Variants in PROKR1 observed in about 807,000 individuals in gnomAD.
The protein encoded by PROKR1 is prokineticin receptor 1.
Under a neutral mutation model 22.8 loss-of-function variants are expected in PROKR1, and 21 were observed. The ratio of observed to expected loss-of-function variants is 0.92; its 90% CI spans 0.65 to 1.32. PROKR1 has a LOEUF of 1.32. Ranked by LOEUF, PROKR1 falls within the 40% of genes most tolerant of loss-of-function variation. PROKR1 has a pLI of 0.00. For missense variants in PROKR1, 548 were observed against 514.2 expected (o/e 1.07, Z -0.64); for synonymous variants, 193 against 207.5 (o/e 0.93, Z 0.60).
At position 68,646,218 on chromosome 2, in the gene PROKR1, G is replaced by A. The variant is rs201334198; in HGVS notation, c.397G>A (p.Gly133Ser). 6.0e-5 allele frequency: 97 copies of A among 1,612,746 alleles called. No homozygotes were observed. The highest frequency in any genetic ancestry group is 7.2e-5 in the Non-Finnish European group (85 of 1,179,044). Residue 133 changes from glycine to serine, a missense_variant, in exon 2 of 3, where the codon GGC becomes AGC. Coordinates refer to ENST00000303786, the MANE Select transcript of PROKR1 (RefSeq NM_138964.4). ...GGTGCGCCAGCTCTCCTGGGAGCAC[G>A]GCCACGTCCTGTGCACCTCTGTCAA... ...YVVRQLSWEH[G>S]HVLCTSVNYL...
chr2:68,654,877 T>G lies in PROKR1; in HGVS notation c.486-3T>G, dbSNP rs762246091. The G allele has an allele frequency of 1.2e-6, 2 of 1,608,328 alleles. No individual in the cohort carries two copies. The highest frequency in any genetic ancestry group is 1.3e-5 in the African/African-American group (1 of 74,530). ...GCTGCCTCCACTTGTGTTCTTGCCC[T>G]AGGTATCTGGCTATTGTCCATCCGC... On this transcript the variant is annotated splice_polypyrimidine_tract_variant and splice_region_variant and intron_variant, in intron 2 of 2. Coordinates refer to ENST00000303786, the MANE Select transcript of PROKR1 (RefSeq NM_138964.4).
rs1301606137 is a variant in PROKR1 at position 68,655,761 on chromosome 2, C to CA, written c.*186dup. 3.1e-6 allele frequency: 2 copies of CA among 638,706 alleles called. No individual in the cohort carries two copies. Among genetic ancestry groups the CA allele is most frequent in the Non-Finnish European group, 5.5e-6 (2 of 364,956 alleles). 39.6% of individuals were successfully genotyped at this position (638,706 alleles called of 1,614,324 possible). A position where few individuals can be genotyped will look rare whatever the true frequency, so the allele number is the denominator to read the frequency against. On this transcript the variant is annotated 3_prime_UTR_variant, in exon 3 of 3. Transcript: ENST00000303786. ...AATGCATGTGACCAGACACTATCAA[C>CA]AGTGGCATTTGCTGAATGTCTAATT... is the stretch of plus-strand genomic sequence containing the variant.
Position 68,654,080 on chromosome 2 carries a change from G to A in PROKR1, c.486-800G>A, listed in dbSNP as rs117024723. 9.2e-5 allele frequency among the ~76,000 whole-genome samples: 14 copies of A among 152,080 alleles called. No individual in the cohort carries two copies. The East Asian group carries it at 2.5e-3, about 27-fold the overall frequency. On this transcript the variant is annotated intron_variant, in intron 2 of 2. Transcript: ENST00000303786. Reference sequence around the variant, plus strand: ...GGCCACATGCTTTTCCTCCTCCTTTGCATGCAAAGCAACAATTTTTAGAAT... The same window carrying A: ...GGCCACATGCTTTTCCTCCTCCTTTACATGCAAAGCAACAATTTTTAGAAT...
rs746524492 is a variant in PROKR1 at position 68,645,811 on chromosome 2, C to T, written c.-11C>T. On this transcript the variant is annotated 5_prime_UTR_variant, in exon 2 of 3. Transcript: ENST00000303786. ...TTCTGAGCAGTGTTGCTCACAGCAC[C>T]ACCTGGCCAGATGGAGACCACCATG... 1 of 1,614,170 alleles carries T rather than the reference C, an allele frequency of 6.2e-7. No individual in the cohort carries two copies. The highest frequency in any genetic ancestry group is 1.1e-5 in the South Asian group (1 of 91,084).
At chr2:68,650,110 A>G (rs1350735479) in intron 2 of PROKR1, among the ~76,000 whole-genome samples, 2 of 150,634 alleles carry the variant, frequency 1.3e-5, no homozygotes, top group Admixed American at 1.3e-4. Flanking sequence ...AGATATACCT[A>G]ATGCTAGATG....
At chr2:68,650,192 T>G (rs566749895) in intron 2 of PROKR1, among the ~76,000 whole-genome samples, 1 of 151,912 alleles carries the variant, frequency 6.6e-6, no homozygotes, top group African/African-American at 2.4e-5. Flanking sequence ...AATGTGCACA[T>G]GTACCCTAAA....
At chr2:68,653,534 G>GC (rs1172116386) in intron 2 of PROKR1, among the ~76,000 whole-genome samples, 1 of 152,104 alleles carries the variant, frequency 6.6e-6, no homozygotes, top group Non-Finnish European at 1.5e-5. Flanking sequence ...TTTCCTTCAG[G>GC]CCCCCTTCAC....
In PROKR1 at chr2:68,655,874, G is replaced by T; in HGVS notation, c.*298G>T. The T allele has an allele frequency of 4.6e-6, 2 of 437,010 alleles. No individual in the cohort carries two copies. Among genetic ancestry groups the T allele is most frequent in the South Asian group, 4.3e-5 (2 of 46,400 alleles). 27.1% of individuals were successfully genotyped at this position (437,010 alleles called of 1,614,324 possible). A position where few individuals can be genotyped will look rare whatever the true frequency, so the allele number is the denominator to read the frequency against. ...ATTGGAATTAAACCAAGGAAAATGT[G>T]GTGGTGTAGATAGAAATAAGGGAGT... On this transcript the variant is annotated 3_prime_UTR_variant, in exon 3 of 3. Coordinates refer to ENST00000303786, the MANE Select transcript of PROKR1 (RefSeq NM_138964.4).
chr2:68,650,066 T>C (rs1044016728), intron 2 of PROKR1, among the ~76,000 whole-genome samples: 4 of 83,684 alleles, frequency 4.8e-5, no homozygotes, highest in African/African-American at 2.0e-4. Context: ...GGGACTGTTG[T>C]GGGGTGGGGG....
intron 2 of PROKR1, among the ~76,000 whole-genome samples, chr2:68,654,268 G>T (rs1399592252): frequency 6.6e-6 from 1 of 152,116 alleles, no homozygotes; most frequent in Non-Finnish European, 1.5e-5. Flanking sequence ...AGAAACCGAT[G>T]GGAGGAATTA....
chr2:68,644,671 T>C (rs1271056715), intron 1 of PROKR1, among the ~76,000 whole-genome samples: 2 of 152,194 alleles, frequency 1.3e-5, no homozygotes, highest in Non-Finnish European at 2.9e-5. Context: ...CTTCCCTCTG[T>C]TCTCCTGACA....
intron 2 of PROKR1, among the ~76,000 whole-genome samples, chr2:68,646,603 C>T (rs1009246560): frequency 5.9e-5 from 9 of 152,166 alleles, no homozygotes; most frequent in Admixed American, 6.5e-5. Context: ...CTAGAGTAGA[C>T]AGGTAAGAGG....
In PROKR1 at chr2:68,645,684, C is replaced by T. The variant is rs2104179108; in HGVS notation, c.-138C>T. ...AAGGTTTAGAATGGAGCTCAGATAC[C>T]ATACCCCAAAGATGCTGGCAGAGAC... On this transcript the variant is annotated 5_prime_UTR_variant, in exon 2 of 3. Coordinates refer to ENST00000303786, the MANE Select transcript of PROKR1 (RefSeq NM_138964.4). The T allele has an allele frequency of 8.2e-7, 1 of 1,217,120 alleles. No individual in the cohort carries two copies. The highest frequency in any genetic ancestry group is 2.4e-5 in the East Asian group (1 of 42,300). The allele number at this position is 1,217,120 out of a possible 1,614,324, so 75.4% of individuals were successfully genotyped here.
At chr2:68,649,139 T>TA (rs897665580) in intron 2 of PROKR1, among the ~76,000 whole-genome samples, 11 of 151,990 alleles carry the variant, frequency 7.2e-5, no homozygotes, top group African/African-American at 2.7e-4. Context: ...TGATGTGATT[T>TA]AAAAAAAATA....
At chr2:68,649,569 A>C (rs1673267322) in intron 2 of PROKR1, 1 of 152,238 alleles carries the variant, frequency 6.6e-6, no homozygotes, top group East Asian at 1.9e-4. Flanking sequence ...GCTTATAACC[A>C]AAGGATGGAG....
chr2:68,646,903 C>A (rs764944037), intron 2 of PROKR1, among the ~76,000 whole-genome samples: 2 of 152,042 alleles, frequency 1.3e-5, no homozygotes, highest in African/African-American at 2.4e-5. Flanking sequence ...AAAAAATTAG[C>A]TGAGCGTGGT....
At position 68,650,955 on chromosome 2, in the gene PROKR1, A is replaced by G. The variant is rs199721732; in HGVS notation, c.486-3925A>G. Among the ~76,000 whole-genome samples, 29 of 152,276 alleles carry G rather than the reference A, an allele frequency of 1.9e-4. 1 individual carries two copies. In the East Asian group the frequency reaches 5.2e-3, roughly 27 times the overall value. On this transcript the variant is annotated intron_variant, in intron 2 of 2. Transcript: ENST00000303786. Reference sequence around the variant, plus strand: ...GCCTGAAGTGAATTTGAGGTACTTTAGAGAGGGATGTCAGGTATGGGTAAG... The same window carrying G: ...GCCTGAAGTGAATTTGAGGTACTTTGGAGAGGGATGTCAGGTATGGGTAAG...
At chr2:68,647,532 G>A (rs1673214000) in intron 2 of PROKR1, among the ~76,000 whole-genome samples, 1 of 152,168 alleles carries the variant, frequency 6.6e-6, no homozygotes, top group Non-Finnish European at 1.5e-5. Context: ...TCACAGTCAG[G>A]ACAGTGTTCT....
In PROKR1 at chr2:68,657,589, G is replaced by T. The variant is rs72835060; in HGVS notation, c.*2013G>T. ...CCCAGCCAGCATGAATCTGGGCAAT[G>T]GAATAGTTGTTTCTCAGTCTGTTTT... On this transcript the variant is annotated 3_prime_UTR_variant, in exon 3 of 3. Transcript: ENST00000303786. 2 of 152,162 alleles carry T rather than the reference G, an allele frequency of 1.3e-5. No homozygotes were observed. The highest frequency in any genetic ancestry group is 2.9e-5 in the Non-Finnish European group (2 of 68,034). 9.4% of individuals were successfully genotyped at this position (152,162 alleles called of 1,614,324 possible). A position where few individuals can be genotyped will look rare whatever the true frequency, so the allele number is the denominator to read the frequency against.
Sources: allele counts gnomAD v4.1 joint callset (sites outside exome capture counted in the v4.1 genomes callset), GRCh38; gene constraint gnomAD v4.1.1; transcripts MANE v1.5; gene names NCBI Gene and HGNC (gene_info 2026-07-23, HGNC 2026-07-21).